Variants in PSD3 observed in about 807,000 individuals in gnomAD.
The protein encoded by PSD3 is pleckstrin and Sec7 domain containing 3, also known as PH and SEC7 domain-containing protein 3.
In PSD3, 49 loss-of-function variants were observed where a neutral mutation model predicts 105.5. That is an observed-to-expected ratio of 0.46 (90% CI 0.37 to 0.59). The LOEUF (loss-of-function observed/expected upper bound fraction) is 0.59. Among genes scored for constraint, PSD3 ranks in the 20% least tolerant of loss-of-function variants. The pLI is 0.00. For synonymous variants in PSD3, 557 were observed against 457.8 expected, an observed-to-expected ratio of 1.22 and a Z score of -2.77; for missense variants, 1,561 against 1,263.8, an observed-to-expected ratio of 1.24 and a Z score of -3.57.
At chr8:18,907,125 AT>A (rs2129462675) in intron 2 of PSD3, among the ~76,000 whole-genome samples, 1 of 152,326 alleles carries the variant, frequency 6.6e-6, no homozygotes, top group Non-Finnish European at 1.5e-5. Context: ...AGTTACAGTA[AT>A]CTAAGGTTGT....
intron 12 of PSD3, among the ~76,000 whole-genome samples, chr8:18,587,167 G>C (rs1803251060): frequency 6.6e-6 from 1 of 152,272 alleles, no homozygotes; most frequent in South Asian, 2.1e-4. Context: ...TAAGAGCACA[G>C]AGCGGAGAAC....
rs77071638 is a variant in PSD3, at chr8:18,810,583, T to C, written c.1635-5685A>G. On this transcript the variant is annotated intron_variant, in intron 4 of 15. Coordinates refer to ENST00000327040, the MANE Select transcript of PSD3 (RefSeq NM_015310.4). ...TTTTATGTAATTGTGGTAATAAAAC[T>C]AGGACCAAAAAGAAGTTAGGTTAAG... 1.8e-3 allele frequency among the ~76,000 whole-genome samples: 274 copies of C among 152,304 alleles called. 13 individuals carry two copies. In the East Asian group the frequency reaches 0.049, roughly 27 times the overall value.
At chr8:18,566,761 A>G (rs13278204) in intron 14 of PSD3, among the ~76,000 whole-genome samples, 2 of 151,626 alleles carry the variant, frequency 1.3e-5, no homozygotes, top group East Asian at 3.9e-4. Flanking sequence ...AAAATCTTCA[A>G]TCCCTAATTG....
At chr8:18,969,240 C>T (rs898772151) in intron 1 of PSD3, among the ~76,000 whole-genome samples, 17 of 152,182 alleles carry the variant, frequency 1.1e-4, no homozygotes, top group African/African-American at 4.1e-4. Context: ...CATAACCATA[C>T]ATTCTCTTAA....
chr8:18,591,780 A>C (rs1392992442), intron 12 of PSD3, among the ~76,000 whole-genome samples: 1 of 152,148 alleles, frequency 6.6e-6, no homozygotes, highest in East Asian at 1.9e-4. Flanking sequence ...GATGGCATAC[A>C]CTTGGTGGCT....
chr8:18,622,508 T>A (rs1256482948), intron 11 of PSD3, among the ~76,000 whole-genome samples: 1 of 152,200 alleles, frequency 6.6e-6, no homozygotes, highest in Non-Finnish European at 1.5e-5. Flanking sequence ...TAGCTTTTAT[T>A]TGTATCTGTA....
chr8:19,050,387 G>C (rs1395363409), intron 1 of PSD3, among the ~76,000 whole-genome samples: 2 of 152,086 alleles, frequency 1.3e-5, no homozygotes, highest in Non-Finnish European at 2.9e-5. Flanking sequence ...ACATGCACAC[G>C]TATGTTTATT....
At chr8:18,973,387 G>A (rs1346441037) in intron 1 of PSD3, among the ~76,000 whole-genome samples, 1 of 152,212 alleles carries the variant, frequency 6.6e-6, no homozygotes, top group Non-Finnish European at 1.5e-5. Flanking sequence ...AGAGCATGGT[G>A]CCATCTGGGT....
intron 2 of PSD3, among the ~76,000 whole-genome samples, chr8:18,879,110 C>A (rs1293546492): frequency 1.3e-5 from 2 of 150,164 alleles, no homozygotes; most frequent in South Asian, 2.1e-4. Flanking sequence ...GAACACTGGC[C>A]CCAAGAGAAG....
chr8:18,615,889 T>A (rs935019886), intron 11 of PSD3, among the ~76,000 whole-genome samples: 1 of 152,084 alleles, frequency 6.6e-6, no homozygotes, highest in Non-Finnish European at 1.5e-5. Flanking sequence ...AATAAGCTAT[T>A]GTAATTGTAA....
At chr8:18,734,104 A>G (rs770829540) in intron 9 of PSD3, 2 of 152,244 alleles carry the variant, frequency 1.3e-5, no homozygotes, top group Non-Finnish European at 2.9e-5. Flanking sequence ...GGGTCTAGAT[A>G]ATTCTTAATA....
At chr8:18,739,655 A>G (rs1325372488) in intron 9 of PSD3, among the ~76,000 whole-genome samples, 1 of 152,228 alleles carries the variant, frequency 6.6e-6, no homozygotes, top group Non-Finnish European at 1.5e-5. Flanking sequence ...TAGCAAAAAA[A>G]TAAACCACAT....
At chr8:18,619,594 G>C (rs1669070978) in intron 11 of PSD3, among the ~76,000 whole-genome samples, 1 of 150,028 alleles carries the variant, frequency 6.7e-6, no homozygotes, top group Admixed American at 6.7e-5. Flanking sequence ...AGTGAGCTGA[G>C]ATCACGCCAC....
At chr8:19,069,520 A>G (rs972999131) in intron 1 of PSD3, among the ~76,000 whole-genome samples, 1 of 152,228 alleles carries the variant, frequency 6.6e-6, no homozygotes, top group Non-Finnish European at 1.5e-5. Flanking sequence ...GCAAACGTGG[A>G]TCTTCCTTTC....
At chr8:18,590,757 T>C (rs1484064488) in intron 12 of PSD3, among the ~76,000 whole-genome samples, 1 of 152,076 alleles carries the variant, frequency 6.6e-6, no homozygotes, top group African/African-American at 2.4e-5. Flanking sequence ...CAAAAAATAC[T>C]ACATGCATTT....
At chr8:19,079,895 T>TA (rs1374082689) in intron 1 of PSD3, among the ~76,000 whole-genome samples, 1 of 151,194 alleles carries the variant, frequency 6.6e-6, no homozygotes, top group Non-Finnish European at 1.5e-5. Flanking sequence ...AAATAGCTTT[T>TA]TTTTTTTTTT....
chr8:18,675,247 C>T (rs1168417423), intron 9 of PSD3, among the ~76,000 whole-genome samples: 1 of 152,120 alleles, frequency 6.6e-6, no homozygotes, highest in Non-Finnish European at 1.5e-5. Context: ...ACTGGGGCAC[C>T]AGGATCTAGA....
intron 4 of PSD3, among the ~76,000 whole-genome samples, chr8:18,819,465 G>A (rs1284602383): frequency 1.3e-5 from 2 of 151,986 alleles, no homozygotes; most frequent in African/African-American, 4.8e-5. Flanking sequence ...CTCTCCAGAG[G>A]GATAAGGCAA....
rs547982657 is a variant in PSD3, at chr8:18,786,422, T to C, written c.2082+12873A>G. Among the ~76,000 whole-genome samples, 112 of 152,374 alleles carry C rather than the reference T, an allele frequency of 7.4e-4. 2 individuals are homozygous for C. Among genetic ancestry groups the C allele is most frequent in the Admixed American group, 7.3e-3 (112 of 15,304 alleles). On this transcript the variant is annotated intron_variant, in intron 8 of 15. Transcript: ENST00000327040. The stretch of plus-strand genomic sequence containing the variant: ...AACAGTAAAGTCTATGAAGCTATTT[T>C]GGTCTATGAAATCATACCTCATCCT...
Sources: allele counts gnomAD v4.1 joint callset (sites outside exome capture counted in the v4.1 genomes callset), GRCh38; gene constraint gnomAD v4.1.1; transcripts MANE v1.5; gene names NCBI Gene and HGNC (gene_info 2026-07-23, HGNC 2026-07-21).